Variants in SLC4A10 observed in about 807,000 individuals in gnomAD.
SLC4A10 encodes the protein sodium-driven chloride bicarbonate exchanger.
SLC4A10 carries 42 observed loss-of-function variants against 137.7 expected under a neutral mutation model. That is an observed-to-expected ratio of 0.30 (90% CI 0.24 to 0.39). SLC4A10 has a LOEUF of 0.39. Among genes scored for constraint, SLC4A10 ranks in the 10% least tolerant of loss-of-function variants. The pLI is 1.00. For missense variants in SLC4A10, 925 were observed against 1,355.0 expected, an observed-to-expected ratio of 0.68 and a Z score of 4.98; for synonymous variants, 474 against 464.1, an observed-to-expected ratio of 1.02 and a Z score of -0.27.
At chr2:161,685,497 A>G (rs1221460490) in intron 1 of SLC4A10, among the ~76,000 whole-genome samples, 1 of 152,128 alleles carries the variant, frequency 6.6e-6, no homozygotes, top group Non-Finnish European at 1.5e-5. Context: ...GGTCCCAGCT[A>G]CTTGGGAGGC....
intron 15 of SLC4A10, among the ~76,000 whole-genome samples, chr2:161,924,102 G>C (rs141299116): frequency 7.4e-4 from 112 of 152,240 alleles, no homozygotes; most frequent in African/African-American, 2.6e-3. Flanking sequence ...AAAAAAGCTT[G>C]TTCCAGACTC....
At chr2:161,715,862 T>A (rs913063799) in intron 1 of SLC4A10, among the ~76,000 whole-genome samples, 1 of 151,314 alleles carries the variant, frequency 6.6e-6, no homozygotes, top group Non-Finnish European at 1.5e-5. Context: ...TACCCAGTAA[T>A]AGGGTCAAAT....
intron 10 of SLC4A10, among the ~76,000 whole-genome samples, chr2:161,885,586 G>A (rs2062198693): frequency 6.6e-6 from 1 of 152,196 alleles, no homozygotes; most frequent in South Asian, 2.1e-4. Context: ...ATTCTATCTT[G>A]AATCAAGCCA....
At chr2:161,795,918 A>C (rs2054724436) in intron 2 of SLC4A10, among the ~76,000 whole-genome samples, 1 of 151,984 alleles carries the variant, frequency 6.6e-6, no homozygotes, top group Non-Finnish European at 1.5e-5. Context: ...TCTGCCTTGG[A>C]TGTTGCTTGC....
chr2:161,720,295 T>C (rs2045495883), intron 1 of SLC4A10, among the ~76,000 whole-genome samples: 1 of 152,216 alleles, frequency 6.6e-6, no homozygotes, highest in Admixed American at 6.5e-5. Context: ...TTGGTTACTG[T>C]AGCCTTGTAG....
At chr2:161,910,303 C>G (rs1019298301) in intron 15 of SLC4A10, among the ~76,000 whole-genome samples, 4 of 152,018 alleles carry the variant, frequency 2.6e-5, no homozygotes, top group African/African-American at 9.7e-5. Flanking sequence ...AAAATATAAG[C>G]TTTTCTTTCA....
At chr2:161,940,730 A>G (rs1692527916) in intron 15 of SLC4A10, among the ~76,000 whole-genome samples, 1 of 152,218 alleles carries the variant, frequency 6.6e-6, no homozygotes, top group South Asian at 2.1e-4. Flanking sequence ...AAGCTAAACC[A>G]GATTAGCTAG....
chr2:161,666,433 A>G (rs927675766), intron 1 of SLC4A10, among the ~76,000 whole-genome samples: 4 of 151,646 alleles, frequency 2.6e-5, no homozygotes, highest in Admixed American at 6.6e-5. Context: ...TAAGGGGGAA[A>G]AAAATTGCAG....
At chr2:161,946,540 TA>T (rs1416673601) in intron 16 of SLC4A10, among the ~76,000 whole-genome samples, 5 of 152,142 alleles carry the variant, frequency 3.3e-5, no homozygotes, top group Admixed American at 2.6e-4. Flanking sequence ...TCTCAAGGAC[TA>T]ATGAGATCAC....
chr2:161,691,072 A>C (rs997144974), intron 1 of SLC4A10, among the ~76,000 whole-genome samples: 4 of 152,280 alleles, frequency 2.6e-5, no homozygotes, highest in Middle Eastern at 3.4e-3. Context: ...AGGTACATAC[A>C]TATCTTTTGA....
At chr2:161,935,513 G>A (rs1456583861) in intron 15 of SLC4A10, among the ~76,000 whole-genome samples, 1 of 152,004 alleles carries the variant, frequency 6.6e-6, no homozygotes, top group South Asian at 2.1e-4. Context: ...CATAAACACA[G>A]GATATTTTTC....
chr2:161,811,561 A>G (rs900229509), intron 3 of SLC4A10, among the ~76,000 whole-genome samples: 3 of 151,944 alleles, frequency 2.0e-5, no homozygotes, highest in Non-Finnish European at 4.4e-5. Context: ...TCCTAATTTC[A>G]TTGTGTATCT....
At chr2:161,677,849 C>T (rs550121224) in intron 1 of SLC4A10, among the ~76,000 whole-genome samples, 4 of 152,218 alleles carry the variant, frequency 2.6e-5, no homozygotes, top group African/African-American at 9.6e-5. Flanking sequence ...CACAATGGCA[C>T]GTGGGACTTT....
intron 4 of SLC4A10, among the ~76,000 whole-genome samples, chr2:161,847,470 C>T (rs2059577288): frequency 6.6e-6 from 1 of 151,870 alleles, no homozygotes; most frequent in Non-Finnish European, 1.5e-5. Context: ...TTCAATCCTC[C>T]CATTCCTCCA....
At chr2:161,789,571 T>C (rs188302169) in intron 2 of SLC4A10, among the ~76,000 whole-genome samples, 31 of 152,238 alleles carry the variant, frequency 2.0e-4, no homozygotes, top group African/African-American at 6.7e-4. Flanking sequence ...TGCACTGTGA[T>C]GTTACAAAGG....
At chr2:161,804,717 G>T in intron 3 of SLC4A10, 122 bp downstream of exon 3, 1 of 921,164 alleles carries the variant, frequency 1.1e-6, no homozygotes, top group Non-Finnish European at 1.5e-6. Flanking sequence ...AAAGACTTTG[G>T]GCCGGTTGGA....
rs1413590457 is a variant in SLC4A10 at position 161,901,018 on chromosome 2, G to A, written c.1442+7G>A. 2 of 1,550,928 alleles carry A rather than the reference G, an allele frequency of 1.3e-6. No homozygotes were observed. Among genetic ancestry groups the A allele is most frequent in the South Asian group, 2.4e-5 (2 of 84,128 alleles). ...AACTCCAGCGAACTGGAAGGTTAGT[G>A]AAAATCACTTCTATGGGACTTCAAG... On this transcript the variant is annotated splice_region_variant and intron_variant, in intron 12 of 26. Transcript: ENST00000446997.
chr2:161,683,083 G>C (rs1200437463), intron 1 of SLC4A10, among the ~76,000 whole-genome samples: 1 of 152,084 alleles, frequency 6.6e-6, no homozygotes, highest in Non-Finnish European at 1.5e-5. Flanking sequence ...TTCAGGTGAG[G>C]GGACTGACTA....
At chr2:161,640,600 C>T (rs1416423773) in intron 1 of SLC4A10, among the ~76,000 whole-genome samples, 19 of 94,980 alleles carry the variant, frequency 2.0e-4, no homozygotes, top group African/African-American at 8.6e-4. Flanking sequence ...TTCTTTCCTT[C>T]CTTCCTTCCT....
Sources: gnomAD v4.1 joint callset for allele counts (sites outside exome capture counted in the v4.1 genomes callset) on GRCh38, gnomAD v4.1.1 for gene constraint, MANE v1.5 for transcripts, NCBI Gene and HGNC (gene_info 2026-07-23, HGNC 2026-07-21) for gene names.